The following HERC3 variants were observed in gnomAD, a reference collection of about 807,000 sequenced individuals.
HERC3 encodes the protein HECT and RLD domain containing E3 ubiquitin protein ligase 3, also known as probable E3 ubiquitin-protein ligase HERC3.
Under a neutral mutation model 129.9 loss-of-function variants are expected in HERC3, and 58 were observed. The ratio of observed to expected loss-of-function variants is 0.45; its 90% confidence interval spans 0.36 to 0.56. HERC3 has a LOEUF of 0.56. Among genes scored for constraint, HERC3 ranks in the 20% least tolerant of loss-of-function variants. HERC3 has a pLI of 0.00. For missense variants in HERC3, 835 were observed against 1,244.2 expected (o/e 0.67, Z 4.95); for synonymous variants, 430 against 451.0 (o/e 0.95, Z 0.59).
At chr4:88,630,987 T>C (rs1726680773) in intron 3 of HERC3, among the ~76,000 whole-genome samples, 1 of 152,226 alleles carries the variant, frequency 6.6e-6, no homozygotes. Flanking sequence ...CTCCATATGT[T>C]ATTATTGACT....
intron 3 of HERC3, among the ~76,000 whole-genome samples, chr4:88,608,836 A>G (rs143053674): frequency 0.01 from 1,587 of 152,290 alleles, 30 homozygotes; most frequent in African/African-American, 0.036. Flanking sequence ...ACTTCATTCC[A>G]ATGATCTTTG....
rs1734661904 is a variant in HERC3, at chr4:88,696,969, AT to A, written c.2658-7127del. 3 of 430,096 alleles carry A rather than the reference AT, an allele frequency of 7.0e-6. No homozygotes were observed. The South Asian group carries it at 2.7e-4, about 39-fold the overall frequency. The allele number at this position is 430,096 out of a possible 1,614,324, so 26.6% of individuals were successfully genotyped here. On this transcript the variant is annotated intron_variant, in intron 23 of 25. Transcript: ENST00000402738. Reference sequence around the variant, plus strand: ...CCATGAAAACATAATTTTGGGTTTAATTCAGTTTTCTTTAACACCTTTTGAT... The same window carrying A: ...CCATGAAAACATAATTTTGGGTTTAATCAGTTTTCTTTAACACCTTTTGAT...
the HERC3 span, among the ~76,000 whole-genome samples, chr4:88,531,172 AAAAATTTTTTAAATTTTTAAAATTT>A: frequency 4.6e-5 from 7 of 151,798 alleles, no homozygotes; most frequent in South Asian, 4.2e-4. Context: ...TAGTATTTTT[AAAAATTTTTTAAATTTTTAAAATTT>A]AAAATTTTTT....
the HERC3 span, among the ~76,000 whole-genome samples, chr4:88,571,771 T>C: frequency 6.6e-6 from 1 of 152,194 alleles, no homozygotes; most frequent in African/African-American, 2.4e-5. Context: ...GTTTGAATAT[T>C]GTTTATAAGT....
chr4:88,684,634 G>A (rs1328048976), intron 21 of HERC3, among the ~76,000 whole-genome samples: 4 of 152,006 alleles, frequency 2.6e-5, no homozygotes, highest in East Asian at 1.9e-4. Context: ...GGATCTAATC[G>A]AACTAAAGAG....
chr4:88,549,373 T>C, the HERC3 span, among the ~76,000 whole-genome samples: 1 of 152,034 alleles, frequency 6.6e-6, no homozygotes, highest in African/African-American at 2.4e-5. Context: ...GGTTTGCTCA[T>C]GGGTGTATTG....
chr4:88,555,290 A>AAAAAGAAAAAG, the HERC3 span, among the ~76,000 whole-genome samples: 1 of 149,892 alleles, frequency 6.7e-6, no homozygotes, highest in East Asian at 2.0e-4. Flanking sequence ...TCAAAAAAAA[A>AAAAAGAAAAAG]AAAAAGAAAA....
chr4:88,556,498 A>G, the HERC3 span, among the ~76,000 whole-genome samples: 9 of 152,334 alleles, frequency 5.9e-5, no homozygotes, highest in South Asian at 1.9e-3. Flanking sequence ...ATGAGAGCCT[A>G]TTATGTGAAA....
At chr4:88,561,068 G>T in the HERC3 span, among the ~76,000 whole-genome samples, 20 of 152,072 alleles carry the variant, frequency 1.3e-4, no homozygotes, top group African/African-American at 1.9e-4. Context: ...GCTATTTGGG[G>T]TCTTTTATGG....
intron 2 of HERC3, among the ~76,000 whole-genome samples, chr4:88,602,343 A>G (rs1268817869): frequency 6.9e-6 from 1 of 143,924 alleles, no homozygotes; most frequent in African/African-American, 2.6e-5. Context: ...CGTAGGTTGC[A>G]GTGAGCTGAG....
intron 16 of HERC3, 46 bp from the exon 17 acceptor site, chr4:88,676,172 A>G (rs1318764251): frequency 1.4e-6 from 2 of 1,387,594 alleles, no homozygotes; most frequent in Non-Finnish European, 1.0e-6. Flanking sequence ...ATTAAAATTC[A>G]GGGTTTACAA....
intron 3 of HERC3, among the ~76,000 whole-genome samples, chr4:88,621,895 A>C (rs75347779): frequency 0.012 from 1,792 of 152,322 alleles, 39 homozygotes; most frequent in African/African-American, 0.041. Flanking sequence ...TCTGCAGTAG[A>C]TAGTTGTACT....
At chr4:88,577,112 G>T in the HERC3 span, among the ~76,000 whole-genome samples, 1 of 152,144 alleles carries the variant, frequency 6.6e-6, no homozygotes, top group Admixed American at 6.5e-5. Context: ...TGTGGAAGGG[G>T]TATACAACTG....
the HERC3 span, among the ~76,000 whole-genome samples, chr4:88,563,820 G>A: frequency 1.1e-4 from 17 of 151,918 alleles, 1 homozygote; most frequent in Admixed American, 9.8e-4. Flanking sequence ...CACCACGCCC[G>A]GCTAATTTTG....
At chr4:88,704,866 T>TC (rs200321481) in intron 25 of HERC3, among the ~76,000 whole-genome samples, 8 of 146,630 alleles carry the variant, frequency 5.5e-5, no homozygotes, top group South Asian at 2.3e-4. Context: ...TTTCTTTCTT[T>TC]TTTTTTTTTT....
chr4:88,551,890 T>C, the HERC3 span, among the ~76,000 whole-genome samples: 5 of 152,100 alleles, frequency 3.3e-5, no homozygotes, highest in Admixed American at 6.5e-5. Context: ...AACCCAAATG[T>C]CCAACAATGA....
intron 3 of HERC3, among the ~76,000 whole-genome samples, chr4:88,623,605 GT>G (rs1725778169): frequency 6.6e-6 from 1 of 152,124 alleles, no homozygotes; most frequent in Non-Finnish European, 1.5e-5. Context: ...AAACCTGCAT[GT>G]TTCTTTTATT....
chr4:88,566,010 T>C, the HERC3 span, among the ~76,000 whole-genome samples: 1 of 152,084 alleles, frequency 6.6e-6, no homozygotes, highest in Non-Finnish European at 1.5e-5. Flanking sequence ...GGGGTACAAG[T>C]GTAGGTTTGT....
intron 2 of HERC3, among the ~76,000 whole-genome samples, chr4:88,602,210 G>T (rs1222650786): frequency 6.6e-6 from 1 of 151,858 alleles, no homozygotes; most frequent in Non-Finnish European, 1.5e-5. Context: ...AGACCAGCCT[G>T]CCCAACATGG....
Sources: gnomAD v4.1 joint callset for allele counts (sites outside exome capture counted in the v4.1 genomes callset) on GRCh38, gnomAD v4.1.1 for gene constraint, MANE v1.5 for transcripts, NCBI Gene and HGNC (gene_info 2026-07-23, HGNC 2026-07-21) for gene names.